RAB21: variants seen among roughly 807,000 people sequenced by gnomAD.
RAB21 encodes the protein ras-related protein Rab-21.
RAB21 carries 13 observed loss-of-function variants against 33.1 expected under a neutral mutation model. The observed-to-expected ratio is 0.39, with a 90% CI of 0.26 to 0.62. The LOEUF is 0.62. Ranked by LOEUF, RAB21 falls within the 20% of genes least tolerant of loss-of-function variation. The probability of loss-of-function intolerance (pLI) is 0.48; values close to 1 mark genes in which losing one functional copy is unlikely to be tolerated. For missense variants in RAB21, 234 were observed against 279.1 expected, an observed-to-expected ratio of 0.84 and a Z score of 1.15; for synonymous variants, 91 against 103.7, an observed-to-expected ratio of 0.88 and a Z score of 0.74.
At chr12:71,766,539 A>G (rs1882963273) in intron 1 of RAB21, among the ~76,000 whole-genome samples, 1 of 152,156 alleles carries the variant, frequency 6.6e-6, no homozygotes, top group African/African-American at 2.4e-5. Context: ...ATTTCATTGT[A>G]AGTGCTGTAG....
intron 1 of RAB21, among the ~76,000 whole-genome samples, chr12:71,758,488 G>A (rs1315958181): frequency 6.6e-6 from 1 of 151,080 alleles, no homozygotes; most frequent in Non-Finnish European, 1.5e-5. Flanking sequence ...CAGTGACATC[G>A]TTTTAAATCC....
intron 6 of RAB21, 107 bp from the exon 7 acceptor site, chr12:71,785,424 T>C (rs1883269642): frequency 7.8e-7 from 1 of 1,284,522 alleles, no homozygotes; most frequent in Non-Finnish European, 1.1e-6. Flanking sequence ...TTAGTTTCTT[T>C]GTTGGTCGAA....
chr12:71,781,803 G>A (rs1363861643), intron 4 of RAB21, among the ~76,000 whole-genome samples: 1 of 152,150 alleles, frequency 6.6e-6, no homozygotes, highest in Admixed American at 6.5e-5. Context: ...TTTGTCAGAG[G>A]CTGCAGATTC....
chr12:71,785,751 A>C lies in RAB21; in HGVS notation c.*78A>C, dbSNP rs917395409. On this transcript the variant is annotated 3_prime_UTR_variant, in exon 7 of 7. Transcript: ENST00000261263. ...TCAACATGAAGACTGCCATATTCCA[A>C]GTCACATTATTTTACCAATGGAATT... 6.7e-7 allele frequency: 1 copy of C among 1,500,538 alleles called. No individual in the cohort carries two copies. The allele number at this position is 1,500,538 out of a possible 1,614,324, so 93.0% of individuals were successfully genotyped here. A position where few individuals can be genotyped will look rare whatever the true frequency, so the allele number is the denominator to read the frequency against.
At chr12:71,785,274 A>T (rs328738) in intron 6 of RAB21, among the ~76,000 whole-genome samples, 5,256 of 152,100 alleles carry the variant, frequency 0.035, 295 homozygotes, top group African/African-American at 0.12. Flanking sequence ...GAGCAAAAAA[A>T]TTTTTTTCTT....
intron 5 of RAB21, chr12:71,782,343 T>A (rs894135739): frequency 1.9e-6 from 1 of 520,752 alleles, no homozygotes; most frequent in African/African-American, 1.9e-5. Context: ...AGAAAAACTT[T>A]TGAAGTATTT....
At chr12:71,757,671 T>G (rs974995724) in intron 1 of RAB21, among the ~76,000 whole-genome samples, 2 of 152,230 alleles carry the variant, frequency 1.3e-5, no homozygotes, top group African/African-American at 4.8e-5. Flanking sequence ...TTAACAATTT[T>G]TCAGAGGAAT....
At chr12:71,768,943 G>C (rs1284054320) in intron 1 of RAB21, among the ~76,000 whole-genome samples, 1 of 152,184 alleles carries the variant, frequency 6.6e-6, no homozygotes, top group Non-Finnish European at 1.5e-5. Flanking sequence ...GTGTGTGTGT[G>C]TGTGTCTAAA....
At position 71,797,745 on chromosome 12, in the gene RAB21, TGACTA is replaced by T. The variant is rs1249338488; in HGVS notation, c.*12076_*12080del. On this transcript the variant is annotated 3_prime_UTR_variant, in exon 7 of 7. Coordinates refer to ENST00000261263, the MANE Select transcript of RAB21 (RefSeq NM_014999.4). The stretch of plus-strand genomic sequence containing the variant: ...ATTAAAACAGTCTGGAACTGGCATA[TGACTA>T]GACAGATCATTCAAGCAGAAGGAAA... The T allele has an allele frequency of 6.6e-6, 1 of 151,518 alleles. No individual in the cohort carries two copies. The highest frequency in any genetic ancestry group is 1.9e-4 in the East Asian group (1 of 5,138). The allele number at this position is 151,518 out of a possible 1,614,324, so 9.4% of individuals were successfully genotyped here.
At chr12:71,774,698 A>G (rs1206520424) in intron 4 of RAB21, among the ~76,000 whole-genome samples, 1 of 151,652 alleles carries the variant, frequency 6.6e-6, no homozygotes, top group Non-Finnish European at 1.5e-5. Context: ...TGGAGGTTGC[A>G]GTGAGCCAAG....
At position 71,764,579 on chromosome 12, in the gene RAB21, A is replaced by G. The variant is rs187861514; in HGVS notation, c.160-5221A>G. ...ACCTGAGCAGTGTACACCATATTCA[A>G]TATGTAGTCTTTTATCCCATACCCT... On this transcript the variant is annotated intron_variant, in intron 1 of 6. Transcript: ENST00000261263. 5.9e-5 allele frequency among the ~76,000 whole-genome samples: 9 copies of G among 152,220 alleles called. 1 individual carries two copies. The highest frequency in any genetic ancestry group is 1.2e-4 in the Non-Finnish European group (8 of 68,010).
chr12:71,769,170 C>T (rs1883004261), intron 1 of RAB21, among the ~76,000 whole-genome samples: 1 of 152,152 alleles, frequency 6.6e-6, no homozygotes, highest in Non-Finnish European at 1.5e-5. Flanking sequence ...TTCTTTGACT[C>T]ATTCAGACAA....
chr12:71,785,524 G>C lies in RAB21; in HGVS notation c.536-7G>C, dbSNP rs747333771. 1.9e-6 allele frequency: 3 copies of C among 1,613,688 alleles called. No homozygotes were observed. Among genetic ancestry groups the C allele is most frequent in the South Asian group, 2.2e-5 (2 of 91,024 alleles). On this transcript the variant is annotated splice_polypyrimidine_tract_variant and splice_region_variant and intron_variant, in intron 6 of 6. Coordinates refer to ENST00000261263, the MANE Select transcript of RAB21 (RefSeq NM_014999.4). ...TCCTAATAATGTTTGCTTTCTCTCT[G>C]TCTTAGGGATGATAGAAACAGCACA...
chr12:71,771,200 C>A (rs1883037269), intron 3 of RAB21, among the ~76,000 whole-genome samples: 1 of 152,158 alleles, frequency 6.6e-6, no homozygotes, highest in Non-Finnish European at 1.5e-5. Flanking sequence ...AAAGTTATCT[C>A]ATTAGTTTAC....
chr12:71,758,253 G>A (rs897423685), intron 1 of RAB21, among the ~76,000 whole-genome samples: 8 of 151,858 alleles, frequency 5.3e-5, no homozygotes, highest in African/African-American at 1.5e-4. Flanking sequence ...GGCTGGTCTC[G>A]AACTCCTGAC....
At chr12:71,769,974 A>G in intron 2 of RAB21, 115 bp downstream of exon 2, 1 of 460,550 alleles carries the variant, frequency 2.2e-6, no homozygotes. Flanking sequence ...AAAGAATCTT[A>G]AAATCTGGTT....
chr12:71,757,752 G>C (rs1882806270), intron 1 of RAB21, among the ~76,000 whole-genome samples: 1 of 152,186 alleles, frequency 6.6e-6, no homozygotes, highest in African/African-American at 2.4e-5. Context: ...AATCATGTCA[G>C]AAGATATGAG....
intron 1 of RAB21, among the ~76,000 whole-genome samples, chr12:71,769,526 G>C (rs1270326748): frequency 6.6e-6 from 1 of 151,902 alleles, no homozygotes; most frequent in African/African-American, 2.4e-5. Context: ...GGAAAATTTT[G>C]TTCCACATAG....
chr12:71,781,154 A>G (rs977272632), intron 4 of RAB21, among the ~76,000 whole-genome samples: 5 of 152,190 alleles, frequency 3.3e-5, no homozygotes, highest in South Asian at 2.1e-4. Context: ...TAACTCACTA[A>G]AATTGTTTTT....
Sources: gnomAD v4.1 joint callset for allele counts (sites outside exome capture counted in the v4.1 genomes callset) on GRCh38, gnomAD v4.1.1 for gene constraint, MANE v1.5 for transcripts, NCBI Gene and HGNC (gene_info 2026-07-23, HGNC 2026-07-21) for gene names.